Variants in CTNND2 observed in about 807,000 individuals in gnomAD.
CTNND2 encodes catenin delta 2, also known as catenin delta-2.
In CTNND2, 22 loss-of-function variants were observed where a neutral mutation model predicts 144.4. The observed-to-expected ratio is 0.15, with a 90% CI of 0.11 to 0.22. CTNND2 has a LOEUF of 0.22. Among genes scored for constraint, CTNND2 ranks in the 10% least tolerant of loss-of-function variants. The pLI is 1.00. For missense variants in CTNND2, 1,353 were observed against 1,618.8 expected, an observed-to-expected ratio of 0.84 and a Z score of 2.82; for synonymous variants, 751 against 695.6, an observed-to-expected ratio of 1.08 and a Z score of -1.25.
intron 2 of CTNND2, among the ~76,000 whole-genome samples, chr5:11,570,891 A>T (rs944362442): frequency 2.0e-5 from 3 of 152,004 alleles, no homozygotes; most frequent in South Asian, 4.2e-4. Flanking sequence ...CAGATGCTAA[A>T]ATCTAGTCCT....
At chr5:11,747,786 C>CT (rs1788394904) in intron 1 of CTNND2, among the ~76,000 whole-genome samples, 1 of 152,132 alleles carries the variant, frequency 6.6e-6, no homozygotes, top group Non-Finnish European at 1.5e-5. Context: ...CCAACTTTGA[C>CT]TGTCACAATC....
At chr5:11,004,186 C>T (rs1740243774) in intron 18 of CTNND2, among the ~76,000 whole-genome samples, 1 of 152,218 alleles carries the variant, frequency 6.6e-6, no homozygotes, top group Non-Finnish European at 1.5e-5. Flanking sequence ...CATATCAGTC[C>T]TCTTACCTCC....
rs188270044 is a variant in CTNND2, at chr5:11,215,299, C to T, written c.1762-15638G>A. Among the ~76,000 whole-genome samples, 14 of 152,302 alleles carry T rather than the reference C, an allele frequency of 9.2e-5. No homozygotes were observed. In the East Asian group the frequency reaches 2.1e-3, roughly 23 times the overall value. On this transcript the variant is annotated intron_variant, in intron 10 of 21. Transcript: ENST00000304623. Reference sequence around the variant, plus strand: ...TGACACTGGTCTGGCAAACATCATGCACCTCTAAAAATGTTTTTCTTACAG... The same window carrying T: ...TGACACTGGTCTGGCAAACATCATGTACCTCTAAAAATGTTTTTCTTACAG...
At chr5:11,110,700 G>A (rs575563068) in intron 14 of CTNND2, among the ~76,000 whole-genome samples, 158 bp downstream of exon 14, 4 of 152,110 alleles carry the variant, frequency 2.6e-5, no homozygotes, top group South Asian at 2.1e-4. Context: ...ATGTCCCACC[G>A]TCTCAGCTGT....
chr5:11,107,678 G>A (rs1752556545), intron 14 of CTNND2, among the ~76,000 whole-genome samples: 1 of 152,174 alleles, frequency 6.6e-6, no homozygotes, highest in African/African-American at 2.4e-5. Context: ...TAATTTAGAT[G>A]GTGCATTTGT....
chr5:11,172,233 C>T (rs749308331), intron 11 of CTNND2, among the ~76,000 whole-genome samples: 1 of 151,962 alleles, frequency 6.6e-6, no homozygotes, highest in Non-Finnish European at 1.5e-5. Context: ...ACCACTGGGG[C>T]TGGGAGTTAT....
intron 13 of CTNND2, among the ~76,000 whole-genome samples, chr5:11,112,578 T>C (rs1296425757): frequency 6.6e-6 from 1 of 152,118 alleles, no homozygotes; most frequent in African/African-American, 2.4e-5. Flanking sequence ...ACCAAGTTTG[T>C]GGTCATTGGT....
At chr5:11,487,697 A>T (rs989911561) in intron 3 of CTNND2, among the ~76,000 whole-genome samples, 3 of 152,186 alleles carry the variant, frequency 2.0e-5, no homozygotes, top group African/African-American at 7.2e-5. Context: ...AATATTTTAC[A>T]TTTTACTATG....
chr5:11,615,456 T>G (rs1439874233), intron 2 of CTNND2, among the ~76,000 whole-genome samples: 11 of 152,210 alleles, frequency 7.2e-5, no homozygotes, highest in Non-Finnish European at 1.6e-4. Flanking sequence ...CAAATAAGCA[T>G]TTTAGCATGA....
intron 15 of CTNND2, among the ~76,000 whole-genome samples, chr5:11,095,991 C>T (rs1751311064): frequency 6.6e-6 from 1 of 151,940 alleles, no homozygotes; most frequent in African/African-American, 2.4e-5. Context: ...ACTCCGTTTA[C>T]ACATATATGA....
intron 7 of CTNND2, among the ~76,000 whole-genome samples, chr5:11,377,182 C>T: frequency 6.6e-6 from 1 of 151,918 alleles, no homozygotes. Flanking sequence ...TCCTGAGTAG[C>T]TGGGATTACA....
At chr5:11,490,246 T>A (rs1769266077) in intron 3 of CTNND2, among the ~76,000 whole-genome samples, 1 of 152,180 alleles carries the variant, frequency 6.6e-6, no homozygotes, top group South Asian at 2.1e-4. Context: ...ACGCTGACAG[T>A]CAAAGAATCA....
chr5:11,261,356 T>C (rs564593100), intron 9 of CTNND2, among the ~76,000 whole-genome samples: 10 of 152,310 alleles, frequency 6.6e-5, no homozygotes, highest in Admixed American at 2.6e-4. Context: ...CAGAACTCGC[T>C]GAGAGAATAC....
At chr5:11,812,482 A>G (rs555490838) in intron 1 of CTNND2, among the ~76,000 whole-genome samples, 2 of 152,238 alleles carry the variant, frequency 1.3e-5, no homozygotes, top group African/African-American at 4.8e-5. Flanking sequence ...GAGTTCTCCC[A>G]GCATCAATTC....
chr5:11,473,586 A>G (rs1767441617), intron 3 of CTNND2, among the ~76,000 whole-genome samples: 1 of 152,212 alleles, frequency 6.6e-6, no homozygotes, highest in Non-Finnish European at 1.5e-5. Flanking sequence ...CATACACTCA[A>G]CAACTACAGG....
At chr5:11,610,591 A>G (rs1780269731) in intron 2 of CTNND2, among the ~76,000 whole-genome samples, 1 of 152,220 alleles carries the variant, frequency 6.6e-6, no homozygotes, top group Admixed American at 6.5e-5. Context: ...CCACCTGCCT[A>G]TCTTTGGGTT....
intron 9 of CTNND2, among the ~76,000 whole-genome samples, chr5:11,245,806 T>C (rs1350728674): frequency 6.6e-6 from 1 of 152,136 alleles, no homozygotes; most frequent in Non-Finnish European, 1.5e-5. Flanking sequence ...GACCACCCCA[T>C]TAGGGCAAGA....
intron 1 of CTNND2, among the ~76,000 whole-genome samples, chr5:11,834,573 T>A (rs1561844164): frequency 6.6e-6 from 1 of 152,160 alleles, no homozygotes; most frequent in Non-Finnish European, 1.5e-5. Flanking sequence ...ATTAAAAAAA[T>A]TAAATACCTA....
chr5:10,996,389 C>G (rs34495516), intron 18 of CTNND2, among the ~76,000 whole-genome samples: 7,473 of 147,090 alleles, frequency 0.051, 252 homozygotes, highest in Non-Finnish European at 0.068. Context: ...AGCGGAGATC[C>G]TTCTCAAAAG....
Sources: allele counts gnomAD v4.1 joint callset (sites outside exome capture counted in the v4.1 genomes callset), GRCh38; gene constraint gnomAD v4.1.1; transcripts MANE v1.5; gene names NCBI Gene and HGNC (gene_info 2026-07-23, HGNC 2026-07-21).